COL2A1: variants seen among roughly 807,000 people sequenced by gnomAD.
COL2A1 encodes the protein collagen type II alpha 1 chain.
Under a neutral mutation model 204.5 loss-of-function variants are expected in COL2A1, and 28 were observed. The observed-to-expected ratio is 0.14, with a 90% CI of 0.10 to 0.19. COL2A1 has a LOEUF of 0.19. Ranked by LOEUF, COL2A1 falls within the 10% of genes least tolerant of loss-of-function variation. COL2A1 has a pLI of 1.00. For missense variants in COL2A1, 1,388 were observed against 2,027.5 expected (o/e 0.68, Z 6.06); for synonymous variants, 708 against 718.7 (o/e 0.99, Z 0.24).
intron 41 of COL2A1, 94 bp downstream of exon 41, chr12:47,979,417 T>G: frequency 3.1e-6 from 4 of 1,304,772 alleles, no homozygotes; most frequent in Admixed American, 1.7e-5. Context: ...CTCAGAGGAG[T>G]GAAGGCCAGC....
At chr12:48,000,170 A>T (rs2136637839) in intron 1 of COL2A1, 45 bp from the exon 2 acceptor site, 103 of 1,233,444 alleles carry the variant, frequency 8.4e-5, no homozygotes, top group Non-Finnish European at 1.1e-4. Flanking sequence ...CAAGGGAAGG[A>T]GGGGGTGGGG....
In COL2A1 at chr12:47,996,640, A is replaced by G. The variant is rs1364012275; in HGVS notation, c.532-15T>C. The G allele has an allele frequency of 6.2e-7, 1 of 1,613,686 alleles. No individual in the cohort carries two copies. The highest frequency in any genetic ancestry group is 1.7e-5 in the Admixed American group (1 of 60,028). ...GCAGCAAAGTTCTGCAAAGAAACCC[A>G]ACAACGTTAGGAGGTTGAAAGGCAC... On this transcript the variant is annotated splice_polypyrimidine_tract_variant and intron_variant, in intron 7 of 53. Coordinates refer to ENST00000380518, the MANE Select transcript of COL2A1 (RefSeq NM_001844.5).
intron 3 of COL2A1, 44 bp from the exon 4 acceptor site, chr12:47,998,245 T>G (rs199599198): frequency 6.2e-7 from 1 of 1,613,730 alleles, no homozygotes; most frequent in Non-Finnish European, 8.5e-7. Context: ...GTAAGCCCAC[T>G]AAGCCCCTAG....
rs1366134089 is a variant in COL2A1, at chr12:47,985,721, T to C, written c.1680+7A>G. On this transcript the variant is annotated splice_region_variant and intron_variant, in intron 25 of 53. Transcript: ENST00000380518. ...AAGCCAAGGGCAACAGCAGCTCTGC[T>C]ACTTACCCGGGCTCCAGGAAGGCCA... The C allele has an allele frequency of 6.2e-7, 1 of 1,613,858 alleles. No individual in the cohort carries two copies. Among genetic ancestry groups the C allele is most frequent in the Non-Finnish European group, 8.5e-7 (1 of 1,179,850 alleles).
chr12:48,004,255 A>C lies in COL2A1; in HGVS notation c.67T>G (p.Cys23Gly). The change falls in exon 1 of 54, where the codon TGT (cysteine) becomes GGT (glycine). Residue 23 changes from cysteine to glycine, a missense_variant. Around this residue, in one of 3 missense-constraint regions of COL2A1, gnomAD observed 201 missense variants for 242.4 expected, o/e 0.83. Transcript: ENST00000380518. ...GACTTACGGACATCCTGGCCCTGACACCGAAGGACAGCGGCGACGAGCAGC... is the reference window on the plus strand; with the variant it reads ...GACTTACGGACATCCTGGCCCTGACCCCGAAGGACAGCGGCGACGAGCAGC... ...LTLLVAAVLR[C>G]QGQDVQEAGS... 3 of 1,550,136 alleles carry C rather than the reference A, an allele frequency of 1.9e-6. No homozygotes were observed. The highest frequency in any genetic ancestry group is 2.6e-6 in the Non-Finnish European group (3 of 1,146,296).
In COL2A1 at chr12:47,995,885, G is replaced by T. The variant is rs766480693; in HGVS notation, c.644C>A (p.Ala215Glu). ...ATTGCAGATACTTACAGGAGCACCT[G>T]CAGGGCCTGGAGGTCCTCGAGGTCC... is the stretch of plus-strand genomic sequence containing the variant. Reference protein sequence around the residue: ...PMGPRGPPGPAGAPGPQGFQG... With the variant: ...PMGPRGPPGPEGAPGPQGFQG... Residue 215 changes from alanine to glutamate, a missense_variant, in exon 9 of 54, where the codon GCA becomes GAA. Around this residue, in one of 3 missense-constraint regions of COL2A1, gnomAD observed 884 missense variants for 1,415.8 expected, o/e 0.62. Transcript: ENST00000380518. 5.0e-6 allele frequency: 8 copies of T among 1,612,948 alleles called. No homozygotes were observed. The highest frequency in any genetic ancestry group is 6.8e-6 in the Non-Finnish European group (8 of 1,178,854).
Position 47,982,944 on chromosome 12 carries a change from A to G in COL2A1, c.2097T>C (p.Gly699=). The part of the protein sequence containing the change: ...AGAPGLVGPR[G]ERGFPGERGS... ...CACGTTCACCTGGGAAACCTCGTTCACCCTGCGGCAGAGACACCAAGAAGT... is the reference window on the plus strand; with the variant it reads ...CACGTTCACCTGGGAAACCTCGTTCGCCCTGCGGCAGAGACACCAAGAAGT... The change falls in exon 33 of 54, where the codon GGT becomes GGC. Residue 699 remains glycine (G), a splice_region_variant and synonymous_variant. Coordinates refer to ENST00000380518, the MANE Select transcript of COL2A1 (RefSeq NM_001844.5). 1 of 1,613,592 alleles carries G rather than the reference A, an allele frequency of 6.2e-7. No homozygotes were observed. Among genetic ancestry groups the G allele is most frequent in the Non-Finnish European group, 8.5e-7 (1 of 1,179,928 alleles).
chr12:47,987,348 G>T lies in COL2A1; in HGVS notation c.1222-35C>A, dbSNP rs201990869. 3.7e-6 allele frequency: 6 copies of T among 1,611,886 alleles called. No homozygotes were observed. The Admixed American group carries it at 8.4e-5, about 22-fold the overall frequency. On this transcript the variant is annotated intron_variant, in intron 19 of 53. Coordinates refer to ENST00000380518, the MANE Select transcript of COL2A1 (RefSeq NM_001844.5). The surrounding 1 kb of genome is among the most constrained non-coding windows in gnomAD (Gnocchi z 4.1). ...GAGACATTGTCAAATAAGCAGCAAAGAATGAACCCCAACCACCTCCAGCCC... is the reference window on the plus strand; with the variant it reads ...GAGACATTGTCAAATAAGCAGCAAATAATGAACCCCAACCACCTCCAGCCC...
At chr12:48,003,837 G>T (rs1940346378) in intron 1 of COL2A1, among the ~76,000 whole-genome samples, 1 of 152,178 alleles carries the variant, frequency 6.6e-6, no homozygotes, top group Non-Finnish European at 1.5e-5. Flanking sequence ...ACCTAAGTTC[G>T]ATGAGTTGAG....
chr12:47,984,920 C>A, intron 27 of COL2A1, 75 bp downstream of exon 27: 1 of 1,284,800 alleles, frequency 7.8e-7, no homozygotes, highest in East Asian at 2.4e-5. Context: ...ACTCAGGACC[C>A]AGCCCTTTCC....
At chr12:47,991,136 G>A (rs1939681318) in intron 16 of COL2A1, among the ~76,000 whole-genome samples, 2 of 152,172 alleles carry the variant, frequency 1.3e-5, no homozygotes, top group Non-Finnish European at 2.9e-5. Context: ...AGCCCCTCTG[G>A]GCTGGCCTGG....
rs1276025680 is a variant in COL2A1, at chr12:47,981,384, G to A, written c.2422C>T (p.Pro808Ser). 1 of 1,612,318 alleles carries A rather than the reference G, an allele frequency of 6.2e-7. No homozygotes were observed. The highest frequency in any genetic ancestry group is 1.3e-5 in the African/African-American group (1 of 75,040). ...CCAGCACTTCCTGCAGGACCAGGAG[G>A]TCCAACTTCTCCCTGAGGGTGGGGA... is the stretch of plus-strand genomic sequence containing the variant. ...GANGEKGEVG[P>S]PGPAGSAGAR... The change falls in exon 37 of 54, where the codon CCT becomes TCT. Residue 808 changes from proline (P) to serine (S), a missense_variant. Pro to Ser is a moderately conservative substitution (Grantham distance 74). Transcript: ENST00000380518.
intron 10 of COL2A1, 93 bp from the exon 11 acceptor site, chr12:47,995,401 GTTC>G (rs1333051361): frequency 7.2e-6 from 8 of 1,105,022 alleles, no homozygotes; most frequent in Admixed American, 1.7e-5. Context: ...TTGGAAGCCA[GTTC>G]TTCTATGAAG....
intron 10 of COL2A1, 32 bp from the exon 11 acceptor site, chr12:47,995,340 G>T (rs1239631152): frequency 1.6e-5 from 26 of 1,582,546 alleles, no homozygotes; most frequent in Non-Finnish European, 2.3e-5. Context: ...TTAAGAGATG[G>T]TTATAGTGGG....
intron 26 of COL2A1, 142 bp downstream of exon 26, chr12:47,985,392 G>C: frequency 1.1e-6 from 1 of 903,534 alleles, no homozygotes; most frequent in Non-Finnish European, 1.8e-6. Context: ...TCTGGCCCCA[G>C]TGCCTACCAT....
chr12:47,979,933 A>G, intron 40 of COL2A1, 76 bp downstream of exon 40: 1 of 1,130,374 alleles, frequency 8.8e-7, no homozygotes, highest in Non-Finnish European at 1.2e-6. Flanking sequence ...GCATCCCAGA[A>G]CACCCCCGCC....
intron 46 of COL2A1, 45 bp from the exon 47 acceptor site, chr12:47,977,200 T>C (rs750381044): frequency 3.7e-6 from 6 of 1,607,676 alleles, no homozygotes; most frequent in Non-Finnish European, 1.7e-6. Context: ...CCAGGACAGG[T>C]GGGGGCCTCC....
chr12:47,999,359 A>G (rs1940120408), intron 2 of COL2A1, among the ~76,000 whole-genome samples: 1 of 152,066 alleles, frequency 6.6e-6, no homozygotes, highest in Admixed American at 6.5e-5. Flanking sequence ...CTCTCCTATT[A>G]TTTTGCTTCT....
chr12:47,976,602 G>A lies in COL2A1; in HGVS notation c.3436-35C>T. 1 of 1,605,828 alleles carries A rather than the reference G, an allele frequency of 6.2e-7. No individual in the cohort carries two copies. The highest frequency in any genetic ancestry group is 8.5e-7 in the Non-Finnish European group (1 of 1,172,512). On this transcript the variant is annotated intron_variant, in intron 48 of 53. Coordinates refer to ENST00000380518, the MANE Select transcript of COL2A1 (RefSeq NM_001844.5). This position sits in a 1 kb window ranked among gnomAD's most constrained non-coding sequence, Gnocchi z 4.3. ...AGGAAGAGGCAAAAGGCCACGGTCA[G>A]CACAGACATATCTATCTATATTCTG...
Sources: gnomAD v4.1 joint callset for allele counts (sites outside exome capture counted in the v4.1 genomes callset) on GRCh38, gnomAD v4.1.1 for gene constraint, gnomAD v4.1.1 regional missense constraint, Gnocchi (gnomAD v3.1) non-coding constraint, MANE v1.5 for transcripts, NCBI Gene and HGNC (gene_info 2026-07-23, HGNC 2026-07-21) for gene names.